PRKN: variants seen among roughly 807,000 people sequenced by gnomAD.
PRKN encodes parkin RBR E3 ubiquitin protein ligase, also known as E3 ubiquitin-protein ligase parkin.
In PRKN, 56 loss-of-function variants were observed where a neutral mutation model predicts 59.5. The observed-to-expected ratio is 0.94, with a 90% CI of 0.76 to 1.18. The LOEUF (loss-of-function observed/expected upper bound fraction) is 1.18, where lower values mean the gene tolerates loss of function less well. PRKN is among the 50% of genes most tolerant of loss of function. PRKN has a pLI of 0.00. For synonymous variants in PRKN, 250 were observed against 222.1 expected, an observed-to-expected ratio of 1.13 and a Z score of -1.12; for missense variants, 657 against 596.4, an observed-to-expected ratio of 1.10 and a Z score of -1.06.
At chr6:161,895,921 G>A (rs549080136) in intron 6 of PRKN, among the ~76,000 whole-genome samples, 61 of 152,230 alleles carry the variant, frequency 4.0e-4, no homozygotes, top group African/African-American at 1.3e-3. Flanking sequence ...TTACCCAGAC[G>A]AAGGGAGCTG....
At chr6:162,660,754 A>G (rs1476669425) in intron 1 of PRKN, among the ~76,000 whole-genome samples, 2 of 151,896 alleles carry the variant, frequency 1.3e-5, no homozygotes, top group Non-Finnish European at 2.9e-5. Flanking sequence ...TGCTGTCCAC[A>G]TGGTCTGTTC....
At chr6:162,455,224 AC>A (rs374446748) in intron 1 of PRKN, among the ~76,000 whole-genome samples, 1 of 152,218 alleles carries the variant, frequency 6.6e-6, no homozygotes, top group African/African-American at 2.4e-5. Context: ...CTCTTACCTA[AC>A]CATCCATCTG....
At chr6:162,091,655 G>C (rs1779501676) in intron 4 of PRKN, among the ~76,000 whole-genome samples, 1 of 152,266 alleles carries the variant, frequency 6.6e-6, no homozygotes, top group South Asian at 2.1e-4. Flanking sequence ...TATTCACCTT[G>C]ATTGGAAACA....
chr6:162,598,853 C>CA (rs35219327), intron 1 of PRKN, among the ~76,000 whole-genome samples: 36,518 of 106,800 alleles, frequency 0.34, 7,194 homozygotes, highest in African/African-American at 0.55. Context: ...ATTCTGTCAC[C>CA]AAAAAAAAAA....
rs542461453 is a variant in PRKN at position 161,414,304 on chromosome 6, C to T, written c.1084-27427G>A. Among the ~76,000 whole-genome samples, 2 of 152,280 alleles carry T rather than the reference C, an allele frequency of 1.3e-5. No homozygotes were observed. Among genetic ancestry groups the T allele is most frequent in the East Asian group, 3.9e-4 (2 of 5,174 alleles). On this transcript the variant is annotated intron_variant, in intron 9 of 11. Coordinates refer to ENST00000366898, the MANE Select transcript of PRKN (RefSeq NM_004562.3). The surrounding 1 kb of genome is among the most constrained non-coding windows in gnomAD (Gnocchi z 5.3). The stretch of plus-strand genomic sequence containing the variant: ...GTTCAGCGTTGTTTGTCACAGGCAG[C>T]GGCCAGTCTCTGTGTTCTCGGGCGC...
chr6:161,388,014 G>A lies in PRKN; in HGVS notation c.1084-1137C>T, dbSNP rs963779769. Among the ~76,000 whole-genome samples the A allele has an allele frequency of 3.3e-5, 5 of 152,232 alleles. No homozygotes were observed. Among genetic ancestry groups the A allele is most frequent in the Admixed American group, 1.3e-4 (2 of 15,276 alleles). On this transcript the variant is annotated intron_variant, in intron 9 of 11. Transcript: ENST00000366898. This position sits in a 1 kb window ranked among gnomAD's most constrained non-coding sequence, Gnocchi z 4.3. ...GGAAGAGTGAATGCCAGAGAGGCTC[G>A]TTTAGGGCTGTCTGTCTGGGATCCA...
chr6:161,658,015 C>CAAAAAAAAAAAAAA (rs60685690), intron 7 of PRKN, among the ~76,000 whole-genome samples: 6 of 61,850 alleles, frequency 9.7e-5, no homozygotes, highest in African/African-American at 3.2e-4. Context: ...GACTCTGTCT[C>CAAAAAAAAAAAAAA]AAAAAAAAAA....
At chr6:162,399,059 A>T (rs1787629261) in intron 2 of PRKN, among the ~76,000 whole-genome samples, 1 of 152,190 alleles carries the variant, frequency 6.6e-6, no homozygotes, top group Non-Finnish European at 1.5e-5. Context: ...TCTCCTAGGG[A>T]AACTTCCATC....
intron 1 of PRKN, among the ~76,000 whole-genome samples, chr6:162,656,060 T>A (rs1467085754): frequency 2.0e-5 from 3 of 152,154 alleles, no homozygotes; most frequent in African/African-American, 7.2e-5. Flanking sequence ...TCAATCTATA[T>A]GATTCTAAAT....
At chr6:162,414,433 C>G (rs781068494) in intron 2 of PRKN, among the ~76,000 whole-genome samples, 31 of 151,838 alleles carry the variant, frequency 2.0e-4, no homozygotes, top group Non-Finnish European at 4.0e-4. Flanking sequence ...ATCTGCCGGG[C>G]GTGGTGGCTC....
At position 162,296,937 on chromosome 6, in the gene PRKN, T is replaced by C. The variant is rs1238894103; in HGVS notation, c.172-34172A>G. Among the ~76,000 whole-genome samples, 3 of 151,916 alleles carry C rather than the reference T, an allele frequency of 2.0e-5. No homozygotes were observed. The East Asian group carries it at 5.8e-4, about 29-fold the overall frequency. Reference sequence around the variant, plus strand: ...TTAAAAAAGAATAAAATCTGAAAAATAAAGTACATCTCCAGGCCTCTCATA... The same window carrying C: ...TTAAAAAAGAATAAAATCTGAAAAACAAAGTACATCTCCAGGCCTCTCATA... On this transcript the variant is annotated intron_variant, in intron 2 of 11. Transcript: ENST00000366898.
Position 161,475,872 on chromosome 6 carries a change from T to C in PRKN, c.1083+72982A>G, listed in dbSNP as rs969737324. 1.4e-4 allele frequency among the ~76,000 whole-genome samples: 22 copies of C among 151,984 alleles called. No homozygotes were observed. The highest frequency in any genetic ancestry group is 1.5e-5 in the Non-Finnish European group (1 of 68,012). ...ACTGCATTTTCCTTTCAATCTTATATATTTTATATATTTAAAAATATTATT... is the reference window on the plus strand; with the variant it reads ...ACTGCATTTTCCTTTCAATCTTATACATTTTATATATTTAAAAATATTATT... On this transcript the variant is annotated intron_variant, in intron 9 of 11. Transcript: ENST00000366898. This position sits in a 1 kb window ranked among gnomAD's most constrained non-coding sequence, Gnocchi z 5.3.
At chr6:162,294,893 T>C (rs545514455) in intron 2 of PRKN, among the ~76,000 whole-genome samples, 2 of 152,204 alleles carry the variant, frequency 1.3e-5, no homozygotes, top group Admixed American at 6.5e-5. Flanking sequence ...CTCACTTTGA[T>C]AACCCAGAAA....
chr6:162,131,930 C>T (rs999021587), intron 4 of PRKN, among the ~76,000 whole-genome samples: 2 of 152,192 alleles, frequency 1.3e-5, no homozygotes, highest in African/African-American at 4.8e-5. Context: ...CCTTCAAGGA[C>T]ATCACGGGCT....
chr6:162,475,478 G>A (rs1791957430), intron 1 of PRKN, among the ~76,000 whole-genome samples: 1 of 152,192 alleles, frequency 6.6e-6, no homozygotes, highest in Non-Finnish European at 1.5e-5. Flanking sequence ...GTTGTTACTG[G>A]AGAAGACAAA....
At position 161,458,821 on chromosome 6, in the gene PRKN, C is replaced by T. The variant is rs746525883; in HGVS notation, c.1084-71944G>A. On this transcript the variant is annotated intron_variant, in intron 9 of 11. Coordinates refer to ENST00000366898, the MANE Select transcript of PRKN (RefSeq NM_004562.3). This position sits in a 1 kb window ranked among gnomAD's most constrained non-coding sequence, Gnocchi z 6.1. ...AGAAATACTGACTTTGCCAGAAATT[C>T]GTAAATTTTTAGGAAAGTGAAGAGC... 1.3e-5 allele frequency among the ~76,000 whole-genome samples: 2 copies of T among 152,056 alleles called. No homozygotes were observed. Among genetic ancestry groups the T allele is most frequent in the South Asian group, 2.1e-4 (1 of 4,824 alleles).
intron 1 of PRKN, among the ~76,000 whole-genome samples, chr6:162,516,078 C>T (rs919927020): frequency 1.3e-5 from 2 of 152,172 alleles, no homozygotes; most frequent in African/African-American, 4.8e-5. Context: ...TGAGGGCAGC[C>T]CTCCCTCCCA....
At chr6:162,709,981 A>G (rs1324220131) in intron 1 of PRKN, among the ~76,000 whole-genome samples, 1 of 152,022 alleles carries the variant, frequency 6.6e-6, no homozygotes, top group Non-Finnish European at 1.5e-5. Context: ...GAGTATGTAA[A>G]CGGAACCGTG....
chr6:161,721,460 C>T (rs539201772), intron 7 of PRKN, among the ~76,000 whole-genome samples: 20 of 152,102 alleles, frequency 1.3e-4, no homozygotes, highest in South Asian at 4.2e-4. Flanking sequence ...TGACTAAAAA[C>T]GGAGATGCCA....
Sources: gnomAD v4.1 joint callset for allele counts (sites outside exome capture counted in the v4.1 genomes callset) on GRCh38, gnomAD v4.1.1 for gene constraint, Gnocchi (gnomAD v3.1) non-coding constraint, MANE v1.5 for transcripts, NCBI Gene and HGNC (gene_info 2026-07-23, HGNC 2026-07-21) for gene names.